Variants in TBC1D5 observed in about 807,000 individuals in gnomAD.
TBC1D5 encodes TBC1 domain family member 5, also known as TBC1 domain family, member 5.
A neutral mutation model predicts 100.3 loss-of-function variants in TBC1D5; 75 were observed. The ratio of observed to expected loss-of-function variants is 0.75; its 90% CI spans 0.62 to 0.91. The LOEUF (loss-of-function observed/expected upper bound fraction) is 0.91. Among genes scored for constraint, TBC1D5 ranks in the 40% least tolerant of loss-of-function variants. The pLI is 0.00. For missense variants in TBC1D5, 910 were observed against 942.4 expected (o/e 0.97, Z 0.45); for synonymous variants, 323 against 325.6 (o/e 0.99, Z 0.09).
chr3:17,590,144 C>A (rs892575282), intron 2 of TBC1D5, among the ~76,000 whole-genome samples: 5 of 152,060 alleles, frequency 3.3e-5, no homozygotes, highest in Non-Finnish European at 7.4e-5. Flanking sequence ...AGAGTGTGAC[C>A]CATGAGGAAG....
chr3:17,166,302 A>G lies in TBC1D5; in HGVS notation c.2094+465T>C, dbSNP rs369838096. Reference sequence around the variant, plus strand: ...ACCCCTGCCACAGATGGCAGACATTAATGAGAAGTCCCTCCCCATGAAGGC... The same window carrying G: ...ACCCCTGCCACAGATGGCAGACATTGATGAGAAGTCCCTCCCCATGAAGGC... On this transcript the variant is annotated intron_variant, in intron 21 of 21. Transcript: ENST00000253692. Among the ~76,000 whole-genome samples, 8 of 152,368 alleles carry G rather than the reference A, an allele frequency of 5.3e-5. No individual in the cohort carries two copies. In the East Asian group the frequency reaches 1.5e-3, roughly 29 times the overall value.
chr3:17,653,693 C>T (rs1316119290), intron 1 of TBC1D5, among the ~76,000 whole-genome samples: 3 of 152,054 alleles, frequency 2.0e-5, no homozygotes, highest in African/African-American at 4.8e-5. Context: ...ATTAATAGTA[C>T]TATACTAACG....
intron 16 of TBC1D5, among the ~76,000 whole-genome samples, chr3:17,248,655 C>A (rs532299983): frequency 3.9e-5 from 6 of 152,050 alleles, no homozygotes; most frequent in Non-Finnish European, 5.9e-5. Flanking sequence ...CTTGGGTGAC[C>A]AGGTGCATTG....
intron 13 of TBC1D5, among the ~76,000 whole-genome samples, chr3:17,315,763 A>G (rs888912572): frequency 2.6e-5 from 4 of 152,168 alleles, no homozygotes; most frequent in African/African-American, 9.7e-5. Context: ...AGAGTTTGTA[A>G]TAGCAAGAGA....
At chr3:17,295,355 G>GT (rs1232097517) in intron 14 of TBC1D5, among the ~76,000 whole-genome samples, 1 of 152,164 alleles carries the variant, frequency 6.6e-6, no homozygotes, top group African/African-American at 2.4e-5. Flanking sequence ...CAGGGTTTCT[G>GT]TAAGAGTGGG....
chr3:17,279,197 G>A (rs2080329243), intron 15 of TBC1D5, among the ~76,000 whole-genome samples: 1 of 152,122 alleles, frequency 6.6e-6, no homozygotes, highest in African/African-American at 2.4e-5. Flanking sequence ...ATTATATTTG[G>A]CAATTCTTTT....
At chr3:17,732,780 T>C (rs547181934) in intron 1 of TBC1D5, among the ~76,000 whole-genome samples, 29 of 132,344 alleles carry the variant, frequency 2.2e-4, no homozygotes, top group African/African-American at 7.0e-4. Flanking sequence ...CTCTGACCGT[T>C]TGTCTTTATG....
intron 1 of TBC1D5, among the ~76,000 whole-genome samples, chr3:17,657,875 A>G (rs1167467067): frequency 6.6e-6 from 1 of 152,244 alleles, no homozygotes; most frequent in Non-Finnish European, 1.5e-5. Flanking sequence ...CTGAAAATTC[A>G]GCTATTTTAT....
intron 3 of TBC1D5, among the ~76,000 whole-genome samples, chr3:17,464,587 C>T (rs1324288809): frequency 6.6e-6 from 1 of 152,072 alleles, no homozygotes; most frequent in Non-Finnish European, 1.5e-5. Context: ...AAAACTAGAG[C>T]AGTCTCTAAC....
At chr3:17,419,448 T>G (rs1017893710) in intron 4 of TBC1D5, among the ~76,000 whole-genome samples, 1 of 152,194 alleles carries the variant, frequency 6.6e-6, no homozygotes, top group African/African-American at 2.4e-5. Context: ...CTCAATATCT[T>G]TGGAGAATCT....
chr3:17,220,954 T>C (rs565743064), intron 17 of TBC1D5, among the ~76,000 whole-genome samples: 1 of 152,304 alleles, frequency 6.6e-6, no homozygotes, highest in Admixed American at 6.5e-5. Context: ...TTTGGATTAT[T>C]GACTTATACC....
At chr3:17,169,769 G>A (rs2066986787) in intron 19 of TBC1D5, among the ~76,000 whole-genome samples, 1 of 152,238 alleles carries the variant, frequency 6.6e-6, no homozygotes, top group Admixed American at 6.5e-5. Context: ...AACCAGTTCT[G>A]TAGGTCTTTT....
chr3:17,725,505 TCA>T (rs2076050041), intron 1 of TBC1D5, among the ~76,000 whole-genome samples: 1 of 152,218 alleles, frequency 6.6e-6, no homozygotes, highest in Non-Finnish European at 1.5e-5. Flanking sequence ...CTTTGGAGTC[TCA>T]GTTTTATAGG....
intron 16 of TBC1D5, among the ~76,000 whole-genome samples, chr3:17,247,616 A>G (rs1392638452): frequency 1.3e-5 from 2 of 152,156 alleles, no homozygotes; most frequent in African/African-American, 4.8e-5. Flanking sequence ...TAAGACAACA[A>G]TGAAGTTGGC....
At chr3:17,415,196 G>A (rs1056511683) in intron 4 of TBC1D5, among the ~76,000 whole-genome samples, 6 of 151,852 alleles carry the variant, frequency 4.0e-5, no homozygotes, top group Admixed American at 2.0e-4. Context: ...TCACTCTATC[G>A]CCCTGGCTGG....
chr3:17,491,802 T>C (rs2095643485), intron 3 of TBC1D5, among the ~76,000 whole-genome samples: 3 of 148,842 alleles, frequency 2.0e-5, no homozygotes, highest in East Asian at 1.9e-4. Flanking sequence ...ATCAGGATGA[T>C]GTAAGCTTCA....
intron 17 of TBC1D5, among the ~76,000 whole-genome samples, chr3:17,236,948 CAT>C (rs557813274): frequency 2.0e-5 from 3 of 152,086 alleles, no homozygotes; most frequent in Non-Finnish European, 4.4e-5. Context: ...TACACACACT[CAT>C]TGAATAATAC....
At chr3:17,266,515 C>A (rs115721323) in intron 15 of TBC1D5, among the ~76,000 whole-genome samples, 9 of 152,208 alleles carry the variant, frequency 5.9e-5, no homozygotes, top group South Asian at 2.1e-4. Context: ...CCTTCCTGAT[C>A]TAAATCACTT....
At chr3:17,544,695 T>C (rs952135364) in intron 2 of TBC1D5, among the ~76,000 whole-genome samples, 1 of 150,108 alleles carries the variant, frequency 6.7e-6, no homozygotes, top group Non-Finnish European at 1.5e-5. Context: ...CATGTCTGCA[T>C]GGTGGATGTG....
Sources: allele counts gnomAD v4.1 joint callset (sites outside exome capture counted in the v4.1 genomes callset), GRCh38; gene constraint gnomAD v4.1.1; transcripts MANE v1.5; gene names NCBI Gene and HGNC (gene_info 2026-07-23, HGNC 2026-07-21).